Variants in ASPRV1 observed in about 807,000 individuals in gnomAD.
ASPRV1 encodes aspartic peptidase retroviral like 1.
In ASPRV1, 7 loss-of-function variants were observed where a neutral mutation model predicts 11.0. The ratio of observed to expected loss-of-function variants is 0.64; its 90% CI spans 0.36 to 1.20. ASPRV1 has a LOEUF of 1.20. Among genes scored for constraint, ASPRV1 ranks in the 50% most tolerant of loss-of-function variants. The pLI, the probability that ASPRV1 is intolerant of heterozygous loss-of-function variation, is 0.02. For missense variants in ASPRV1, 299 were observed against 320.0 expected (o/e 0.93, Z 0.50); for synonymous variants, 136 against 138.4 (o/e 0.98, Z 0.12).
At chr2:70,039,564 T>G in the ASPRV1 span, among the ~76,000 whole-genome samples, 2 of 152,188 alleles carry the variant, frequency 1.3e-5, no homozygotes, top group African/African-American at 4.8e-5. Flanking sequence ...GGTTCCACAG[T>G]GATTTACACA....
chr2:70,079,371 G>C, the ASPRV1 span, among the ~76,000 whole-genome samples: 1 of 152,180 alleles, frequency 6.6e-6, no homozygotes, highest in East Asian at 1.9e-4. Flanking sequence ...TAGCCACTGA[G>C]GAGGGGAGGG....
At chr2:70,033,455 A>T in the ASPRV1 span, among the ~76,000 whole-genome samples, 1 of 152,102 alleles carries the variant, frequency 6.6e-6, no homozygotes, top group Non-Finnish European at 1.5e-5. Flanking sequence ...TTAGGGCGGG[A>T]GAGAAATCCC....
At chr2:69,988,911 G>A in the ASPRV1 span, 5 of 395,036 alleles carry the variant, frequency 1.3e-5, no homozygotes, top group Non-Finnish European at 2.1e-5. Flanking sequence ...TACCCAGAAC[G>A]GCTCTCCTGT....
chr2:70,086,448 G>A, the ASPRV1 span: 1 of 152,274 alleles, frequency 6.6e-6, no homozygotes, highest in African/African-American at 2.4e-5. Flanking sequence ...CCAGCGTCTT[G>A]AGCGACACTT....
At chr2:70,079,637 G>C in the ASPRV1 span, among the ~76,000 whole-genome samples, 1 of 152,200 alleles carries the variant, frequency 6.6e-6, no homozygotes, top group Non-Finnish European at 1.5e-5. Context: ...CATCAAGGGA[G>C]TGACATCCTG....
the ASPRV1 span, among the ~76,000 whole-genome samples, chr2:70,068,617 A>G: frequency 1.3e-5 from 2 of 152,096 alleles, no homozygotes; most frequent in African/African-American, 4.8e-5. Context: ...ACAAATGAGG[A>G]AAGATGAAGG....
At chr2:70,034,539 T>C in the ASPRV1 span, among the ~76,000 whole-genome samples, 1 of 150,234 alleles carries the variant, frequency 6.7e-6, no homozygotes, top group African/African-American at 2.5e-5. Context: ...CCACTGCACT[T>C]GAGCCTGGGC....
At chr2:70,042,244 C>T in the ASPRV1 span, among the ~76,000 whole-genome samples, 3 of 152,256 alleles carry the variant, frequency 2.0e-5, no homozygotes, top group South Asian at 6.2e-4. Context: ...AAGAGCTCAA[C>T]AAAGCTAAGA....
chr2:70,078,409 G>A, the ASPRV1 span, among the ~76,000 whole-genome samples: 1 of 152,198 alleles, frequency 6.6e-6, no homozygotes, highest in South Asian at 2.1e-4. Context: ...CAAATAGCAA[G>A]TGCTATGCAG....
At chr2:70,004,970 C>G in the ASPRV1 span, among the ~76,000 whole-genome samples, 372 of 152,274 alleles carry the variant, frequency 2.4e-3, 1 homozygote, top group African/African-American at 8.3e-3. Flanking sequence ...CAGCAAATAG[C>G]TGTTAAATGA....
the ASPRV1 span, among the ~76,000 whole-genome samples, chr2:70,062,271 C>T: frequency 3.3e-5 from 5 of 152,018 alleles, no homozygotes; most frequent in Non-Finnish European, 7.4e-5. Flanking sequence ...TGCCATTGCA[C>T]TCCAGCCTGG....
At chr2:70,002,919 C>T in the ASPRV1 span, 3 of 152,218 alleles carry the variant, frequency 2.0e-5, no homozygotes, top group Non-Finnish European at 2.9e-5. Context: ...ATCCAACCAG[C>T]TCAGTTTATA....
the ASPRV1 span, chr2:69,988,691 T>C: frequency 2.2e-6 from 1 of 445,178 alleles, no homozygotes. Context: ...TTATGTTATA[T>C]ATATTTTACC....
upstream of ASPRV1, among the ~76,000 whole-genome samples, chr2:69,965,150 C>A (rs1304416532): frequency 1.3e-5 from 2 of 152,174 alleles, no homozygotes; most frequent in African/African-American, 4.8e-5. Flanking sequence ...TGGGCTCAAG[C>A]GATTCTCCTG....
the ASPRV1 span, among the ~76,000 whole-genome samples, chr2:70,033,275 A>AC: frequency 3.3e-5 from 4 of 120,992 alleles, no homozygotes; most frequent in African/African-American, 7.3e-5. Flanking sequence ...ATCAAACAGA[A>AC]AACACACACA....
chr2:70,029,397 T>C, the ASPRV1 span, among the ~76,000 whole-genome samples: 1 of 152,012 alleles, frequency 6.6e-6, no homozygotes, highest in Non-Finnish European at 1.5e-5. Flanking sequence ...TCCTAGCACT[T>C]GGGGAGGCTG....
the ASPRV1 span, chr2:70,085,552 A>T: frequency 1.8e-4 from 28 of 152,240 alleles, no homozygotes; most frequent in African/African-American, 6.8e-4. Context: ...CTCACCAGTA[A>T]GGAAATCTGG....
chr2:69,937,479 G>A, the ASPRV1 span: 2 of 1,335,724 alleles, frequency 1.5e-6, no homozygotes, highest in Non-Finnish European at 2.0e-6. Context: ...AGGAGGCAGA[G>A]TGTAAGAAGA....
At chr2:69,992,912 G>A in the ASPRV1 span, among the ~76,000 whole-genome samples, 3 of 152,206 alleles carry the variant, frequency 2.0e-5, no homozygotes, top group African/African-American at 7.2e-5. Flanking sequence ...AGGTGACAGA[G>A]CCCTGGGCCC....
Sources: gnomAD v4.1 joint callset for allele counts (sites outside exome capture counted in the v4.1 genomes callset) on GRCh38, gnomAD v4.1.1 for gene constraint, MANE v1.5 for transcripts, NCBI Gene and HGNC (gene_info 2026-07-23, HGNC 2026-07-21) for gene names.